CCDC93: variants seen among roughly 807,000 people sequenced by gnomAD.
The protein encoded by CCDC93 is coiled-coil domain-containing protein 93.
A neutral mutation model predicts 108.2 loss-of-function variants in CCDC93; 61 were observed. The observed-to-expected ratio is 0.56, with a 90% CI of 0.46 to 0.70. The LOEUF (loss-of-function observed/expected upper bound fraction) is 0.70, where lower values mean the gene tolerates loss of function less well. CCDC93 is among the 30% of genes least tolerant of loss of function. The pLI is 0.00. For synonymous variants in CCDC93, 276 were observed against 260.4 expected, an observed-to-expected ratio of 1.06 and a Z score of -0.58; for missense variants, 685 against 764.2, an observed-to-expected ratio of 0.90 and a Z score of 1.22.
chr2:117,924,307 C>A (rs149995882), intron 23 of CCDC93, among the ~76,000 whole-genome samples: 1 of 152,098 alleles, frequency 6.6e-6, no homozygotes, highest in African/African-American at 2.4e-5. Flanking sequence ...GAGAGAAGAA[C>A]GCTTCAGACG....
chr2:117,936,590 T>G (rs988531363), intron 21 of CCDC93, 112 bp downstream of exon 21: 55 of 836,030 alleles, frequency 6.6e-5, no homozygotes, highest in Non-Finnish European at 9.5e-5. Context: ...ACATACCCAG[T>G]GTTAAGTCTT....
chr2:117,997,793 A>C (rs1680703390), intron 4 of CCDC93: 1 of 152,318 alleles, frequency 6.6e-6, no homozygotes, highest in African/African-American at 2.4e-5. Context: ...GTCCAGGACA[A>C]CTAAGGGCCA....
rs2104813912 is a variant in CCDC93, at chr2:117,995,428, T to C, written c.519+18A>G. On this transcript the variant is annotated intron_variant, in intron 6 of 23. Transcript: ENST00000376300. ...GCTACGCAGGACTCTGACAGAAGAA[T>C]ACGGCCAGGGGACTTACTGAGAGGT... 1 of 1,599,164 alleles carries C rather than the reference T, an allele frequency of 6.3e-7. No homozygotes were observed. The highest frequency in any genetic ancestry group is 8.6e-7 in the Non-Finnish European group (1 of 1,166,380).
intron 11 of CCDC93, among the ~76,000 whole-genome samples, chr2:117,970,759 T>C (rs736750): frequency 0.39 from 59,571 of 152,024 alleles, 12,316 homozygotes; most frequent in East Asian, 0.67. Flanking sequence ...ATCCTCTCAG[T>C]GGTCTACAGA....
intron 6 of CCDC93, among the ~76,000 whole-genome samples, chr2:117,995,135 G>T (rs1201620186): frequency 6.6e-6 from 1 of 152,150 alleles, no homozygotes; most frequent in Admixed American, 6.5e-5. Context: ...TTCATCATCT[G>T]CTCTTCAGAG....
At chr2:117,946,775 A>T (rs1678885954) in intron 16 of CCDC93, 36 bp downstream of exon 16, 2 of 1,447,120 alleles carry the variant, frequency 1.4e-6, no homozygotes, top group Admixed American at 1.7e-5. Flanking sequence ...CCGTAATAGC[A>T]CCTGAGAGTC....
chr2:117,976,842 T>C (rs372834659), intron 8 of CCDC93, among the ~76,000 whole-genome samples: 1 of 151,114 alleles, frequency 6.6e-6, no homozygotes, highest in Non-Finnish European at 1.5e-5. Context: ...GTGGGTACAA[T>C]GGAGTGGGTG....
At chr2:117,976,806 C>T (rs1270268137) in intron 8 of CCDC93, among the ~76,000 whole-genome samples, 3 of 151,996 alleles carry the variant, frequency 2.0e-5, no homozygotes, top group Non-Finnish European at 4.4e-5. Flanking sequence ...ACAGTCAACA[C>T]AGGAAGCAGA....
intron 17 of CCDC93, among the ~76,000 whole-genome samples, chr2:117,944,342 ATGTATATGCCCTTCCCCTG>A: frequency 1.3e-5 from 2 of 151,806 alleles, no homozygotes; most frequent in East Asian, 3.9e-4. Flanking sequence ...TAACCTCCAA[ATGTATATGCCCTTCCCCTG>A]CAAAAACCTA....
chr2:117,957,858 C>T (rs376840683), intron 12 of CCDC93, among the ~76,000 whole-genome samples: 17 of 152,274 alleles, frequency 1.1e-4, no homozygotes, highest in African/African-American at 3.6e-4. Context: ...AGTCACTCTC[C>T]CAGCTTCCTA....
At chr2:118,006,175 A>G (rs1676862238) in intron 3 of CCDC93, among the ~76,000 whole-genome samples, 2 of 152,186 alleles carry the variant, frequency 1.3e-5, no homozygotes, top group Non-Finnish European at 2.9e-5. Context: ...AGAATCACAC[A>G]TATCTGAGGT....
intron 20 of CCDC93, among the ~76,000 whole-genome samples, chr2:117,938,668 T>C (rs546787794): frequency 6.6e-6 from 1 of 152,126 alleles, no homozygotes; most frequent in African/African-American, 2.4e-5. Context: ...AAACAGGTAT[T>C]TTCTCCCTGT....
At chr2:117,950,782 G>A (rs1301269882) in intron 13 of CCDC93, 8 of 985,058 alleles carry the variant, frequency 8.1e-6, no homozygotes, top group Admixed American at 1.2e-4. Context: ...CATTTTTCTA[G>A]ATGGGAATTA....
intron 6 of CCDC93, among the ~76,000 whole-genome samples, chr2:117,992,462 T>C (rs181937202): frequency 3.3e-4 from 51 of 152,266 alleles, no homozygotes; most frequent in African/African-American, 1.2e-3. Flanking sequence ...CAGGCTGGTC[T>C]CGAACTCCTG....
chr2:117,941,408 A>G (rs986691361), intron 18 of CCDC93, 111 bp from the exon 19 acceptor site: 8 of 747,176 alleles, frequency 1.1e-5, no homozygotes, highest in Admixed American at 2.1e-5. Flanking sequence ...CATGCGCCCT[A>G]CAATGCAGGC....
chr2:117,981,346 T>A (rs1188920755), intron 7 of CCDC93, among the ~76,000 whole-genome samples: 1 of 152,148 alleles, frequency 6.6e-6, no homozygotes. Flanking sequence ...GTAGTGAGAT[T>A]TCCATGACAA....
chr2:117,998,242 G>A (rs1220385076), intron 4 of CCDC93: 1 of 152,166 alleles, frequency 6.6e-6, no homozygotes, highest in South Asian at 2.1e-4. Context: ...CACGGATGAT[G>A]GGCTTCTAGA....
chr2:117,941,807 T>TA (rs772500246), intron 18 of CCDC93, among the ~76,000 whole-genome samples: 18 of 152,324 alleles, frequency 1.2e-4, no homozygotes, highest in Non-Finnish European at 1.9e-4. Context: ...GAAACTGCCC[T>TA]ACTGACCGGG....
At chr2:118,004,900 T>A (rs1453185664) in intron 3 of CCDC93, among the ~76,000 whole-genome samples, 2 of 152,164 alleles carry the variant, frequency 1.3e-5, no homozygotes, top group Non-Finnish European at 2.9e-5. Context: ...TTTAGTTCCT[T>A]AGAATACCTA....
Sources: gnomAD v4.1 joint callset for allele counts (sites outside exome capture counted in the v4.1 genomes callset) on GRCh38, gnomAD v4.1.1 for gene constraint, MANE v1.5 for transcripts, NCBI Gene and HGNC (gene_info 2026-07-23, HGNC 2026-07-21) for gene names.